HPSE2: variants seen among roughly 807,000 people sequenced by gnomAD.
HPSE2 encodes inactive heparanase-2.
Under a neutral mutation model 60.5 loss-of-function variants are expected in HPSE2, and 38 were observed. That is an observed-to-expected ratio of 0.63 (90% CI 0.48 to 0.82). The LOEUF is 0.82. HPSE2 is among the 40% of genes least tolerant of loss of function. HPSE2 has a pLI of 0.00. For synonymous variants in HPSE2, 295 were observed against 293.2 expected, an observed-to-expected ratio of 1.01 and a Z score of -0.06; for missense variants, 713 against 740.4, an observed-to-expected ratio of 0.96 and a Z score of 0.43.
At chr10:98,810,844 C>T (rs866620114) in intron 3 of HPSE2, among the ~76,000 whole-genome samples, 5 of 152,212 alleles carry the variant, frequency 3.3e-5, no homozygotes, top group Admixed American at 6.5e-5. Flanking sequence ...GTGTCACATT[C>T]AAAGCTGTCC....
chr10:99,050,041 A>G (rs539568974), intron 3 of HPSE2, among the ~76,000 whole-genome samples: 30 of 152,332 alleles, frequency 2.0e-4, no homozygotes, highest in African/African-American at 7.0e-4. Context: ...GCTGAGGCCT[A>G]TAATTCCAGC....
chr10:99,006,748 A>G (rs1484754793), intron 3 of HPSE2, among the ~76,000 whole-genome samples: 1 of 152,182 alleles, frequency 6.6e-6, no homozygotes, highest in African/African-American at 2.4e-5. Context: ...CCTGAAACCC[A>G]GGGCCATTGA....
intron 3 of HPSE2, among the ~76,000 whole-genome samples, chr10:98,888,118 G>C (rs548313720): frequency 7.7e-5 from 10 of 129,326 alleles, no homozygotes; most frequent in African/African-American, 3.0e-4. Flanking sequence ...CCTGCAAAAG[G>C]GATAGGTTTT....
intron 5 of HPSE2, among the ~76,000 whole-genome samples, chr10:98,711,289 T>A (rs1231035557): frequency 1.3e-5 from 2 of 152,078 alleles, no homozygotes; most frequent in Non-Finnish European, 2.9e-5. Context: ...GAAAAATGCA[T>A]CAGGATTTTG....
chr10:98,458,401 A>T lies in HPSE2; in HGVS notation c.*1173T>A, dbSNP rs1487053210. On this transcript the variant is annotated 3_prime_UTR_variant, in exon 12 of 12. Transcript: ENST00000370552. ...TCATCCCCCACTTCACACCTGCCCA[A>T]CTCAGAAGCTTCCTACCTACCATTC... 1.3e-5 allele frequency: 2 copies of T among 152,196 alleles called. No individual in the cohort carries two copies. Among genetic ancestry groups the T allele is most frequent in the African/African-American group, 4.8e-5 (2 of 41,504 alleles). The allele number at this position is 152,196 out of a possible 1,614,324, so 9.4% of individuals were successfully genotyped here. A position where few individuals can be genotyped will look rare whatever the true frequency, so the allele number is the denominator to read the frequency against.
At chr10:99,022,354 T>C (rs890549955) in intron 3 of HPSE2, among the ~76,000 whole-genome samples, 11 of 152,212 alleles carry the variant, frequency 7.2e-5, no homozygotes, top group South Asian at 4.2e-4. Context: ...CTTGAGTGCC[T>C]GCAAACCTTG....
chr10:98,827,522 T>C (rs185631937), intron 3 of HPSE2, among the ~76,000 whole-genome samples: 15 of 152,324 alleles, frequency 9.8e-5, no homozygotes, highest in Admixed American at 9.8e-4. Flanking sequence ...CACTAGGTTT[T>C]CAACAGTGGT....
chr10:99,291,994 T>C, the HPSE2 span, among the ~76,000 whole-genome samples: 3 of 152,112 alleles, frequency 2.0e-5, no homozygotes, highest in African/African-American at 7.2e-5. Context: ...GCAAGCTCCA[T>C]TCCCCTCCAG....
At chr10:98,907,740 G>A (rs1953863180) in intron 3 of HPSE2, among the ~76,000 whole-genome samples, 1 of 152,132 alleles carries the variant, frequency 6.6e-6, no homozygotes, top group Non-Finnish European at 1.5e-5. Flanking sequence ...TTTCCTTATT[G>A]AGTCAATCTG....
intron 6 of HPSE2, among the ~76,000 whole-genome samples, chr10:98,656,082 G>GTTT (rs34294462): frequency 5.7e-5 from 8 of 140,840 alleles, no homozygotes; most frequent in Admixed American, 7.1e-5. Context: ...TCCTATTTGA[G>GTTT]TTTTTTTTTT....
intron 9 of HPSE2, among the ~76,000 whole-genome samples, chr10:98,580,836 A>ATATATATATATATATATATGTG: frequency 1.7e-5 from 2 of 119,526 alleles, no homozygotes; most frequent in African/African-American, 7.2e-5. Flanking sequence ...ATATATATAT[A>ATATATATATATATATATATGTG]TGTGTGTGTG....
At chr10:99,107,889 T>C (rs1452536084) in intron 3 of HPSE2, among the ~76,000 whole-genome samples, 1 of 152,218 alleles carries the variant, frequency 6.6e-6, no homozygotes, top group Non-Finnish European at 1.5e-5. Flanking sequence ...TTCATTATTC[T>C]AAAAGAGCAT....
At chr10:98,815,858 T>C (rs1951274733) in intron 3 of HPSE2, among the ~76,000 whole-genome samples, 1 of 152,062 alleles carries the variant, frequency 6.6e-6, no homozygotes, top group Non-Finnish European at 1.5e-5. Flanking sequence ...AAATGCATGA[T>C]GAGTTCATGT....
At chr10:98,869,065 G>A (rs564686852) in intron 3 of HPSE2, among the ~76,000 whole-genome samples, 15 of 151,912 alleles carry the variant, frequency 9.9e-5, no homozygotes, top group African/African-American at 2.7e-4. Context: ...GTGTGCGCAC[G>A]CGTGTGTGTT....
intron 3 of HPSE2, among the ~76,000 whole-genome samples, chr10:98,921,373 G>T (rs1003296091): frequency 6.6e-6 from 1 of 152,102 alleles, no homozygotes; most frequent in Non-Finnish European, 1.5e-5. Flanking sequence ...CTTTTAACTA[G>T]AAAGCTGAGA....
chr10:98,759,892 A>T (rs760665661), intron 3 of HPSE2, among the ~76,000 whole-genome samples: 6 of 152,134 alleles, frequency 3.9e-5, no homozygotes, highest in Non-Finnish European at 7.4e-5. Flanking sequence ...TAGTAGAGAC[A>T]TTTTAACAAT....
chr10:98,772,281 A>G (rs932716255), intron 3 of HPSE2, among the ~76,000 whole-genome samples: 4 of 152,136 alleles, frequency 2.6e-5, no homozygotes, highest in African/African-American at 9.7e-5. Context: ...AGACTACATG[A>G]GTGTTAGTTA....
At chr10:98,882,956 G>C (rs1213092627) in intron 3 of HPSE2, among the ~76,000 whole-genome samples, 1 of 152,124 alleles carries the variant, frequency 6.6e-6, no homozygotes, top group South Asian at 2.1e-4. Context: ...AACCTTCAGA[G>C]TATGATGCCG....
intron 3 of HPSE2, among the ~76,000 whole-genome samples, chr10:98,911,794 G>A (rs1365169985): frequency 6.6e-6 from 1 of 152,110 alleles, no homozygotes; most frequent in Non-Finnish European, 1.5e-5. Flanking sequence ...AGATAACGGT[G>A]GGGATGGGGG....
Sources: gnomAD v4.1 joint callset for allele counts (sites outside exome capture counted in the v4.1 genomes callset) on GRCh38, gnomAD v4.1.1 for gene constraint, MANE v1.5 for transcripts, NCBI Gene and HGNC (gene_info 2026-07-23, HGNC 2026-07-21) for gene names.